ABR: variants seen among roughly 807,000 people sequenced by gnomAD.
The protein encoded by ABR is ABR activator of RhoGEF and GTPase.
ABR carries 35 observed loss-of-function variants against 107.2 expected under a neutral mutation model. The ratio of observed to expected loss-of-function variants is 0.33; its 90% CI spans 0.25 to 0.43. The LOEUF is 0.43. Among genes scored for constraint, ABR ranks in the 20% least tolerant of loss-of-function variants. The pLI is 1.00. For synonymous variants in ABR, 498 were observed against 462.0 expected (o/e 1.08, Z -1.00); for missense variants, 815 against 1,115.2 (o/e 0.73, Z 3.83).
rs754671096 is a variant in ABR at position 1,010,680 on chromosome 17, C to T, written c.2236+49G>A. On this transcript the variant is annotated intron_variant, in intron 20 of 22. Coordinates refer to ENST00000302538, the MANE Select transcript of ABR (RefSeq NM_021962.5). This position sits in a 1 kb window ranked among gnomAD's most constrained non-coding sequence, Gnocchi z 4.1. ...CTGGTTACTTCTCCGGGCAGGGAGT[C>T]CTGGCTCAGTCTGGCCCAGCCCAGT... The T allele has an allele frequency of 3.8e-6, 6 of 1,598,098 alleles. No homozygotes were observed. In the South Asian group the frequency reaches 6.6e-5, roughly 18 times the overall value.
chr17:1,137,006 C>CTTTT (rs1555522402), intron 1 of ABR, among the ~76,000 whole-genome samples: 2 of 11,022 alleles, frequency 1.8e-4, no homozygotes, highest in African/African-American at 2.8e-4. Flanking sequence ...TAAATCATTT[C>CTTTT]TTTTTTCTCT....
chr17:1,127,024 G>T (rs1343859314), intron 1 of ABR, among the ~76,000 whole-genome samples: 92 of 152,214 alleles, frequency 6.0e-4, no homozygotes, highest in Admixed American at 5.9e-3. Context: ...GGAGAATGGT[G>T]TCAACAGGTC....
chr17:1,064,252 TGAGG>T (rs2034418221), intron 10 of ABR, among the ~76,000 whole-genome samples: 1 of 45,140 alleles, frequency 2.2e-5, no homozygotes, highest in Non-Finnish European at 4.7e-5. Flanking sequence ...TTATGTAAAC[TGAGG>T]GCTATGCATG....
rs921885562 is a variant in ABR, at chr17:1,148,957, A to C, written c.62-23590T>G. ...CACTCTGTCACCCAGGCTGGAGTGC[A>C]GTGGCGCCATCTCGGCTCACTGCAA... On this transcript the variant is annotated intron_variant, in intron 1 of 22. Coordinates refer to ENST00000302538, the MANE Select transcript of ABR (RefSeq NM_021962.5). This position sits in a 1 kb window ranked among gnomAD's most constrained non-coding sequence, Gnocchi z 4.9. Among the ~76,000 whole-genome samples, 2 of 150,878 alleles carry C rather than the reference A, an allele frequency of 1.3e-5. No homozygotes were observed. Among genetic ancestry groups the C allele is most frequent in the East Asian group, 3.9e-4 (2 of 5,096 alleles).
intron 16 of ABR, among the ~76,000 whole-genome samples, chr17:1,020,579 C>T (rs895493395): frequency 6.6e-5 from 10 of 152,146 alleles, no homozygotes; most frequent in African/African-American, 2.4e-4. Context: ...AGTGAAGACC[C>T]GAAGGTGAGC....
At chr17:1,087,526 G>A (rs2036682731) in intron 4 of ABR, among the ~76,000 whole-genome samples, 1 of 151,972 alleles carries the variant, frequency 6.6e-6, no homozygotes, top group South Asian at 2.1e-4. Flanking sequence ...AAGGGGGCAG[G>A]GCCGGACTTT....
At chr17:1,122,182 C>T (rs576272825) in intron 2 of ABR, among the ~76,000 whole-genome samples, 245 of 152,298 alleles carry the variant, frequency 1.6e-3, no homozygotes, top group African/African-American at 5.4e-3. Flanking sequence ...GGATTCCAGG[C>T]GTGAGCCACC....
intron 1 of ABR, chr17:1,228,012 G>C (rs1244233654): frequency 1.3e-5 from 2 of 152,242 alleles, no homozygotes; most frequent in African/African-American, 4.8e-5. Flanking sequence ...GAGATGACAG[G>C]AGACCCGGTG....
chr17:1,020,074 C>T (rs962216298), intron 16 of ABR, among the ~76,000 whole-genome samples: 2 of 152,172 alleles, frequency 1.3e-5, no homozygotes, highest in Admixed American at 1.3e-4. Flanking sequence ...CTGAGAGCAG[C>T]TCAACTATTT....
Position 1,048,662 on chromosome 17 carries a change from C to T in ABR, c.1791+1388G>A, listed in dbSNP as rs562682575. 1.9e-3 allele frequency among the ~76,000 whole-genome samples: 227 copies of T among 118,674 alleles called. 9 individuals carry two copies. The highest frequency in any genetic ancestry group is 7.3e-3 in the African/African-American group (210 of 28,580). 77.9% of individuals were successfully genotyped at this position (118,674 alleles called of 152,430 possible). ...CCGGGGCCACGGTCAAGAAGCTCGG[C>T]GCCCAGCTGCCGCCTGGATCACCTC... On this transcript the variant is annotated intron_variant, in intron 16 of 22. Transcript: ENST00000302538.
chr17:1,112,917 T>C (rs919147553), intron 2 of ABR, among the ~76,000 whole-genome samples: 2 of 118,832 alleles, frequency 1.7e-5, no homozygotes, highest in African/African-American at 5.7e-5. Flanking sequence ...TCAGCAAGCA[T>C]TTGTTAACGC....
In ABR at chr17:1,050,672, G is replaced by C. The variant is rs1026256163; in HGVS notation, c.1562-38C>G. ...GACAGACGGAGATACTGAGTGAGTG[G>C]GGCCAGGGTGGGGCAGCTGGGGCGG... is the stretch of plus-strand genomic sequence containing the variant. On this transcript the variant is annotated intron_variant, in intron 14 of 22. Coordinates refer to ENST00000302538, the MANE Select transcript of ABR (RefSeq NM_021962.5). This position sits in a 1 kb window ranked among gnomAD's most constrained non-coding sequence, Gnocchi z 4.6. 1.3e-6 allele frequency: 2 copies of C among 1,560,846 alleles called. No homozygotes were observed. Among genetic ancestry groups the C allele is most frequent in the Non-Finnish European group, 1.8e-6 (2 of 1,132,678 alleles).
At chr17:1,036,425 G>C (rs1376786835) in intron 16 of ABR, among the ~76,000 whole-genome samples, 1 of 152,150 alleles carries the variant, frequency 6.6e-6, no homozygotes, top group Non-Finnish European at 1.5e-5. Context: ...GGCACCGGCT[G>C]GGCATCAGAG....
At position 1,027,990 on chromosome 17, in the gene ABR, G is replaced by A. The variant is rs1178752676; in HGVS notation, c.1792-14826C>T. ...TAGAGTGAACCTCTGGGGTGTGCAC[G>A]TGGTCTGCACACCTGGTACCATCAA... On this transcript the variant is annotated intron_variant, in intron 16 of 22. Coordinates refer to ENST00000302538, the MANE Select transcript of ABR (RefSeq NM_021962.5). This position sits in a 1 kb window ranked among gnomAD's most constrained non-coding sequence, Gnocchi z 4.7. Among the ~76,000 whole-genome samples the A allele has an allele frequency of 6.6e-6, 1 of 152,084 alleles. No individual in the cohort carries two copies. Among genetic ancestry groups the A allele is most frequent in the African/African-American group, 2.4e-5 (1 of 41,392 alleles).
At chr17:1,028,185 G>A (rs972209873) in intron 16 of ABR, among the ~76,000 whole-genome samples, 2 of 152,068 alleles carry the variant, frequency 1.3e-5, no homozygotes, top group Non-Finnish European at 2.9e-5. Context: ...CCACCTCCCA[G>A]GTTCAAGCGA....
intron 10 of ABR, among the ~76,000 whole-genome samples, chr17:1,061,753 G>A (rs572698918): frequency 8.5e-5 from 13 of 152,070 alleles, no homozygotes; most frequent in Non-Finnish European, 1.3e-4. Flanking sequence ...CATGATGTTG[G>A]CCAGGCTGGT....
chr17:1,087,524 A>G (rs1239334847), intron 4 of ABR, among the ~76,000 whole-genome samples: 3 of 116,724 alleles, frequency 2.6e-5, no homozygotes, highest in Non-Finnish European at 5.3e-5. Context: ...AAAAGGGGGC[A>G]GGGCCGGACT....
chr17:1,122,715 A>G (rs1422529319), intron 2 of ABR, among the ~76,000 whole-genome samples: 1 of 152,216 alleles, frequency 6.6e-6, no homozygotes, highest in Non-Finnish European at 1.5e-5. Flanking sequence ...AGCCTCCATA[A>G]TCACCTGAAT....
chr17:1,118,234 A>T (rs1482439740), intron 2 of ABR, among the ~76,000 whole-genome samples: 126 of 32,088 alleles, frequency 3.9e-3, no homozygotes, highest in Admixed American at 4.6e-3. Flanking sequence ...CCCAGCGTTA[A>T]CCCTGAGCCT....
Sources: allele counts gnomAD v4.1 joint callset (sites outside exome capture counted in the v4.1 genomes callset), GRCh38; gene constraint gnomAD v4.1.1; non-coding constraint Gnocchi (gnomAD v3.1); transcripts MANE v1.5; gene names NCBI Gene and HGNC (gene_info 2026-07-23, HGNC 2026-07-21).